The following PCDHGA4 variants were observed in gnomAD, a reference collection of about 807,000 sequenced individuals.
PCDHGA4 encodes protocadherin gamma-A4.
A neutral mutation model predicts 54.6 loss-of-function variants in PCDHGA4; 38 were observed. The observed-to-expected ratio is 0.70, with a 90% CI of 0.54 to 0.91. The LOEUF is 0.91. PCDHGA4 is among the 40% of genes least tolerant of loss of function. The pLI is 0.00. For synonymous variants in PCDHGA4, 511 were observed against 512.9 expected (o/e 1.00, Z 0.05); for missense variants, 1,298 against 1,220.9 (o/e 1.06, Z -0.94).
At chr5:141,376,069 G>A in intron 1 of PCDHGA4, 1 of 1,613,452 alleles carries the variant, frequency 6.2e-7, no homozygotes, top group Non-Finnish European at 8.5e-7. Context: ...CGCTCACCGT[G>A]GCCGTGGCCG....
intron 1 of PCDHGA4, among the ~76,000 whole-genome samples, chr5:141,469,538 G>A (rs2099204234): frequency 6.6e-6 from 1 of 152,168 alleles, no homozygotes; most frequent in Non-Finnish European, 1.5e-5. Flanking sequence ...TTGTGCCACT[G>A]CACTCCAGCC....
At chr5:141,405,560 G>A in intron 1 of PCDHGA4, 1 of 613,636 alleles carries the variant, frequency 1.6e-6, no homozygotes, top group Non-Finnish European at 2.9e-6. Context: ...GAGTAGCTGG[G>A]ACTAGAGTAG....
intron 1 of PCDHGA4, chr5:141,371,629 G>C (rs749054700): frequency 2.2e-5 from 36 of 1,613,866 alleles, no homozygotes; most frequent in Middle Eastern, 1.6e-4. Context: ...GCCCTGGACC[G>C]GGAGCAGATC....
chr5:141,509,081 A>T (rs1279221589), intron 3 of PCDHGA4, among the ~76,000 whole-genome samples: 1 of 152,160 alleles, frequency 6.6e-6, no homozygotes, highest in Non-Finnish European at 1.5e-5. Context: ...GATTTGCGAC[A>T]TGAAATGGGG....
chr5:141,361,239 G>C (rs555666915), intron 1 of PCDHGA4: 8 of 1,613,958 alleles, frequency 5.0e-6, no homozygotes, highest in Non-Finnish European at 5.1e-6. Flanking sequence ...TGATCGCCTT[G>C]ATAAAAACGA....
rs995968509 is a variant in PCDHGA4, at chr5:141,477,065, C to T, written c.2515-17742C>T. ...TCGGCTGGACTTCGAGGACACCAAA[C>T]TCCATGAGATTTACATCCAGGCCAA... On this transcript the variant is annotated intron_variant, in intron 1 of 3. Coordinates refer to ENST00000571252, the MANE Select transcript of PCDHGA4 (RefSeq NM_018917.4). The surrounding 1 kb of genome is among the most constrained non-coding windows in gnomAD (Gnocchi z 4.9). 15 of 1,614,144 alleles carry T rather than the reference C, an allele frequency of 9.3e-6. No homozygotes were observed. The highest frequency in any genetic ancestry group is 3.3e-5 in the Admixed American group (2 of 60,018).
In PCDHGA4 at chr5:141,357,188, C is replaced by T; in HGVS notation, c.2081C>T (p.Ala694Val). The T allele has an allele frequency of 6.2e-7, 1 of 1,613,782 alleles. No individual in the cohort carries two copies. The highest frequency in any genetic ancestry group is 1.1e-5 in the South Asian group (1 of 91,082). ...TCGGCCACCGTCACACTCACTGTGG[C>T]TGTGGCCGACAGCATCCCAGATGTC... ...PLSATVTLTV[A>V]VADSIPDVLA... The change falls in exon 1 of 4, where the codon GCT becomes GTT. Residue 694 changes from alanine (A) to valine (V), a missense_variant. Ala to Val is a moderately conservative substitution (Grantham distance 64). Coordinates refer to ENST00000571252, the MANE Select transcript of PCDHGA4 (RefSeq NM_018917.4).
chr5:141,422,204 G>A lies in PCDHGA4; in HGVS notation c.2514+64583G>A, dbSNP rs185669562. On this transcript the variant is annotated intron_variant, in intron 1 of 3. Transcript: ENST00000571252. Reference sequence around the variant, plus strand: ...ATGGAAATTCAAGGCCAAGATGGTGGAGGTCTCTTTACCACCACGACGATG... The same window carrying A: ...ATGGAAATTCAAGGCCAAGATGGTGAAGGTCTCTTTACCACCACGACGATG... The A allele has an allele frequency of 1.7e-4, 269 of 1,562,138 alleles. No individual in the cohort carries two copies. The African/African-American group carries it at 3.6e-3, about 21-fold the overall frequency.
intron 1 of PCDHGA4, chr5:141,399,141 C>G: frequency 6.2e-7 from 1 of 1,613,778 alleles, no homozygotes; most frequent in Non-Finnish European, 8.5e-7. Flanking sequence ...ATGAAAATGA[C>G]AATAGCCCAG....
At chr5:141,505,592 A>G in intron 3 of PCDHGA4, 111 bp downstream of exon 3, 1 of 1,567,266 alleles carries the variant, frequency 6.4e-7, no homozygotes. Context: ...GTTTCTCCAG[A>G]TCTTTCGGCA....
Position 141,431,587 on chromosome 5 carries a change from A to C in PCDHGA4, c.2515-63220A>C. On this transcript the variant is annotated intron_variant, in intron 1 of 3. Coordinates refer to ENST00000571252, the MANE Select transcript of PCDHGA4 (RefSeq NM_018917.4). This position sits in a 1 kb window ranked among gnomAD's most constrained non-coding sequence, Gnocchi z 4.8. ...ACCCTGACGAAGGAGTCAATGCGGA[A>C]GTGAGGTATTCCTTCCGGTATGTGG... The C allele has an allele frequency of 1.2e-6, 2 of 1,614,236 alleles. No homozygotes were observed. Among genetic ancestry groups the C allele is most frequent in the Non-Finnish European group, 1.7e-6 (2 of 1,180,036 alleles).
intron 1 of PCDHGA4, among the ~76,000 whole-genome samples, chr5:141,425,427 A>G (rs925551543): frequency 2.2e-4 from 33 of 152,362 alleles, no homozygotes; most frequent in Non-Finnish European, 4.1e-4. Flanking sequence ...GTCCCATTAA[A>G]TAGAGGATAA....
At chr5:141,447,032 C>A (rs1412709585) in intron 1 of PCDHGA4, among the ~76,000 whole-genome samples, 1 of 149,498 alleles carries the variant, frequency 6.7e-6, no homozygotes, top group Admixed American at 6.6e-5. Context: ...TGTTTTTTTT[C>A]TGTGTCTGGA....
chr5:141,505,694 G>A, intron 3 of PCDHGA4, among the ~76,000 whole-genome samples: 1 of 152,208 alleles, frequency 6.6e-6, no homozygotes, highest in East Asian at 1.9e-4. Flanking sequence ...GCCTGGAGGA[G>A]AGCGAACAAG....
At chr5:141,450,832 T>TTA (rs764784095) in intron 1 of PCDHGA4, among the ~76,000 whole-genome samples, 6,304 of 142,274 alleles carry the variant, frequency 0.044, 222 homozygotes, top group African/African-American at 0.11. Context: ...TATTATTATT[T>TTA]TTTTTTTTTT....
At chr5:141,364,314 T>C in intron 1 of PCDHGA4, 1 of 1,523,586 alleles carries the variant, frequency 6.6e-7, no homozygotes, top group Non-Finnish European at 8.8e-7. Context: ...AAGAGAAAAT[T>C]GGGCAGAGAG....
chr5:141,427,138 A>G (rs1397576025), intron 1 of PCDHGA4: 1 of 456,954 alleles, frequency 2.2e-6, no homozygotes, highest in Non-Finnish European at 4.4e-6. Context: ...CTACGAGATG[A>G]TATTGGAAAT....
At chr5:141,362,497 G>A in intron 1 of PCDHGA4, 1 of 1,613,986 alleles carries the variant, frequency 6.2e-7, no homozygotes, top group Non-Finnish European at 8.5e-7. Context: ...TGCCTCTTGG[G>A]AACAAAATAC....
At chr5:141,406,185 A>G (rs1204342088) in intron 1 of PCDHGA4, among the ~76,000 whole-genome samples, 1 of 150,712 alleles carries the variant, frequency 6.6e-6, no homozygotes, top group Non-Finnish European at 1.5e-5. Flanking sequence ...CAATCCTCCC[A>G]CCTCAGCCTT....
Sources: allele counts gnomAD v4.1 joint callset (sites outside exome capture counted in the v4.1 genomes callset), GRCh38; gene constraint gnomAD v4.1.1; non-coding constraint Gnocchi (gnomAD v3.1); transcripts MANE v1.5; gene names NCBI Gene and HGNC (gene_info 2026-07-23, HGNC 2026-07-21).